The following CADM2 variants were observed in gnomAD, a reference collection of about 807,000 sequenced individuals.
CADM2 encodes the protein cell adhesion molecule 2, also known as immunoglobulin superfamily member 4D.
Under a neutral mutation model 49.8 loss-of-function variants are expected in CADM2, and 12 were observed. That is an observed-to-expected ratio of 0.24 (90% CI 0.15 to 0.39). The LOEUF is 0.39. Ranked by LOEUF, CADM2 falls within the 10% of genes least tolerant of loss-of-function variation. The pLI, the probability that CADM2 is intolerant of heterozygous loss-of-function variation, is 1.00. For synonymous variants in CADM2, 214 were observed against 175.4 expected, an observed-to-expected ratio of 1.22 and a Z score of -1.74; for missense variants, 378 against 492.3, an observed-to-expected ratio of 0.77 and a Z score of 2.20.
At chr3:85,768,311 T>C (rs1229564344) in intron 2 of CADM2, among the ~76,000 whole-genome samples, 1 of 151,780 alleles carries the variant, frequency 6.6e-6, no homozygotes, top group Non-Finnish European at 1.5e-5. Flanking sequence ...CCGGGTCTGG[T>C]GGTGGGCACC....
At chr3:85,384,325 T>C (rs2034084641) in intron 1 of CADM2, among the ~76,000 whole-genome samples, 1 of 152,210 alleles carries the variant, frequency 6.6e-6, no homozygotes. Context: ...TTTTTTGTTT[T>C]ATTTTTTTAA....
intron 1 of CADM2, among the ~76,000 whole-genome samples, chr3:85,455,795 A>G (rs935810096): frequency 1.3e-5 from 2 of 152,178 alleles, no homozygotes; most frequent in South Asian, 4.2e-4. Context: ...GCCTCAAACA[A>G]TTATGTGATT....
At chr3:85,160,782 G>A (rs2040298730) in intron 1 of CADM2, among the ~76,000 whole-genome samples, 1 of 152,110 alleles carries the variant, frequency 6.6e-6, no homozygotes, top group Non-Finnish European at 1.5e-5. Context: ...AAGGCTCTGA[G>A]GAACTATATA....
intron 1 of CADM2, among the ~76,000 whole-genome samples, chr3:85,084,434 G>A (rs1160010955): frequency 6.6e-6 from 1 of 152,070 alleles, no homozygotes; most frequent in Non-Finnish European, 1.5e-5. Context: ...AGTTGGTTGA[G>A]AAAAAAGCAA....
At chr3:85,321,668 AGTTCT>A (rs2044616046) in intron 1 of CADM2, among the ~76,000 whole-genome samples, 1 of 152,100 alleles carries the variant, frequency 6.6e-6, no homozygotes, top group Admixed American at 6.6e-5. Context: ...ATACATCTCA[AGTTCT>A]GTTTTTCTAA....
intron 1 of CADM2, among the ~76,000 whole-genome samples, chr3:85,185,698 C>T (rs2041044621): frequency 6.6e-6 from 1 of 152,080 alleles, no homozygotes; most frequent in South Asian, 2.1e-4. Flanking sequence ...GCATGAATTT[C>T]CTCTACAATG....
chr3:85,876,376 A>C (rs1711839894), intron 3 of CADM2, among the ~76,000 whole-genome samples: 1 of 152,154 alleles, frequency 6.6e-6, no homozygotes, highest in Admixed American at 6.6e-5. Flanking sequence ...TATGCTGAAG[A>C]TTGATAATCC....
chr3:85,340,883 A>G (rs1017594470), intron 1 of CADM2, among the ~76,000 whole-genome samples: 1 of 151,582 alleles, frequency 6.6e-6, no homozygotes, highest in African/African-American at 2.4e-5. Flanking sequence ...GCTGTTACTG[A>G]TGAAGCTTTG....
intron 8 of CADM2, among the ~76,000 whole-genome samples, chr3:85,996,772 C>CTT (rs1729483013): frequency 6.6e-6 from 1 of 152,034 alleles, no homozygotes; most frequent in South Asian, 2.1e-4. Context: ...TTTTTGGAAA[C>CTT]TTGTTTTTAA....
At chr3:85,793,348 A>T (rs1404777278) in intron 2 of CADM2, among the ~76,000 whole-genome samples, 2 of 152,234 alleles carry the variant, frequency 1.3e-5, no homozygotes, top group African/African-American at 4.8e-5. Context: ...AAGAAAAACT[A>T]GCAATTCAAG....
At chr3:85,857,223 C>T (rs1279424467) in intron 3 of CADM2, among the ~76,000 whole-genome samples, 1 of 152,098 alleles carries the variant, frequency 6.6e-6, no homozygotes, top group African/African-American at 2.4e-5. Context: ...AATACCATCA[C>T]ATTAGGAGGC....
chr3:85,182,523 T>G (rs2040961752), intron 1 of CADM2, among the ~76,000 whole-genome samples: 1 of 152,060 alleles, frequency 6.6e-6, no homozygotes, highest in South Asian at 2.1e-4. Context: ...CCTTCAAAAG[T>G]GTTGATGACA....
chr3:85,246,627 T>A (rs1409102306), intron 1 of CADM2, among the ~76,000 whole-genome samples: 1 of 152,094 alleles, frequency 6.6e-6, no homozygotes, highest in Non-Finnish European at 1.5e-5. Context: ...CTAGGAATAG[T>A]CTCTTTAATA....
chr3:85,554,874 TTA>T (rs2061913412), intron 1 of CADM2, among the ~76,000 whole-genome samples: 1 of 90,298 alleles, frequency 1.1e-5, no homozygotes, highest in South Asian at 3.2e-4. Flanking sequence ...TTTATTTTTT[TTA>T]TTTTTATTTT....
intron 5 of CADM2, among the ~76,000 whole-genome samples, chr3:85,893,665 C>A (rs1207213602): frequency 2.0e-5 from 3 of 152,110 alleles, no homozygotes; most frequent in Non-Finnish European, 2.9e-5. Context: ...AAACAAACAA[C>A]CCCATCAAAA....
chr3:85,016,724 C>G (rs1427358822), intron 1 of CADM2, among the ~76,000 whole-genome samples: 1 of 151,438 alleles, frequency 6.6e-6, no homozygotes, highest in African/African-American at 2.4e-5. Flanking sequence ...ACCTGGGAGG[C>G]AGAGATTGTA....
intron 5 of CADM2, among the ~76,000 whole-genome samples, chr3:85,893,127 G>A (rs1050198348): frequency 6.6e-6 from 1 of 152,148 alleles, no homozygotes; most frequent in South Asian, 2.1e-4. Context: ...AGATAATTTA[G>A]AGTATATGGC....
chr3:85,944,184 C>T (rs953710975), intron 7 of CADM2, among the ~76,000 whole-genome samples: 2 of 152,038 alleles, frequency 1.3e-5, no homozygotes, highest in African/African-American at 2.4e-5. Context: ...AAGGCCGTTA[C>T]GTAATGGTAA....
At chr3:85,314,569 A>C (rs368561562) in intron 1 of CADM2, among the ~76,000 whole-genome samples, 11 of 152,180 alleles carry the variant, frequency 7.2e-5, no homozygotes, top group African/African-American at 2.7e-4. Context: ...AAACATGTGT[A>C]AATAATCTGA....
Sources: gnomAD v4.1 joint callset for allele counts (sites outside exome capture counted in the v4.1 genomes callset) on GRCh38, gnomAD v4.1.1 for gene constraint, MANE v1.5 for transcripts, NCBI Gene and HGNC (gene_info 2026-07-23, HGNC 2026-07-21) for gene names.